Variants in CHCHD3 observed in about 807,000 individuals in gnomAD.
CHCHD3 encodes the protein coiled-coil-helix-coiled-coil-helix domain containing 3.
Under a neutral mutation model 38.2 loss-of-function variants are expected in CHCHD3, and 20 were observed. The ratio of observed to expected loss-of-function variants is 0.52; its 90% confidence interval spans 0.37 to 0.76. CHCHD3 has a LOEUF of 0.76. CHCHD3 is among the 30% of genes least tolerant of loss of function. The pLI is 0.00. For missense variants in CHCHD3, 245 were observed against 279.2 expected (o/e 0.88, Z 0.87); for synonymous variants, 82 against 100.0 (o/e 0.82, Z 1.07).
At chr7:132,898,160 G>A (rs1255294234) in intron 4 of CHCHD3, among the ~76,000 whole-genome samples, 1 of 152,164 alleles carries the variant, frequency 6.6e-6, no homozygotes, top group Non-Finnish European at 1.5e-5. Context: ...CCCAAAGAGT[G>A]AGCAGTAGCA....
At chr7:133,019,813 C>T (rs1156948396) in intron 3 of CHCHD3, among the ~76,000 whole-genome samples, 1 of 152,188 alleles carries the variant, frequency 6.6e-6, no homozygotes, top group Non-Finnish European at 1.5e-5. Flanking sequence ...GAAGTAGTCA[C>T]ATTTTTCTAG....
chr7:132,793,261 A>T (rs1806512027), intron 7 of CHCHD3, among the ~76,000 whole-genome samples: 1 of 152,222 alleles, frequency 6.6e-6, no homozygotes, highest in African/African-American at 2.4e-5. Flanking sequence ...TATCAAAGGT[A>T]AGAAGAGGTA....
intron 2 of CHCHD3, among the ~76,000 whole-genome samples, chr7:133,055,460 AATT>A (rs947709269): frequency 3.4e-4 from 49 of 145,596 alleles, no homozygotes; most frequent in African/African-American, 1.1e-3. Flanking sequence ...AATTAATTAT[AATT>A]ATGTTATGTA....
intron 4 of CHCHD3, among the ~76,000 whole-genome samples, chr7:132,893,314 A>G (rs1289889703): frequency 2.0e-5 from 3 of 152,200 alleles, no homozygotes; most frequent in African/African-American, 7.2e-5. Flanking sequence ...TGGGGCCTGT[A>G]GCCTCCTTAT....
chr7:132,973,535 C>G lies in CHCHD3; in HGVS notation c.369+1634G>C, dbSNP rs191868706. 2.2e-3 allele frequency: 2,144 copies of G among 985,610 alleles called. 3 individuals carry two copies. Among genetic ancestry groups the G allele is most frequent in the Non-Finnish European group, 2.5e-3 (2,088 of 830,074 alleles). 61.1% of individuals were successfully genotyped at this position (985,610 alleles called of 1,614,324 possible). A position where few individuals can be genotyped will look rare whatever the true frequency, so the allele number is the denominator to read the frequency against. ...TGACTTTGCTTCCACCTCTCTTATT[C>G]CCTTTGTTCCACTCAACACATGTAC... On this transcript the variant is annotated intron_variant, in intron 4 of 7. Transcript: ENST00000262570.
intron 4 of CHCHD3, among the ~76,000 whole-genome samples, chr7:132,954,460 C>T (rs1811110339): frequency 6.6e-6 from 1 of 152,172 alleles, no homozygotes; most frequent in Non-Finnish European, 1.5e-5. Context: ...TGGCAGAACC[C>T]ACGTCCTTTG....
chr7:133,017,677 G>T (rs1321499418), intron 3 of CHCHD3, among the ~76,000 whole-genome samples: 1 of 152,152 alleles, frequency 6.6e-6, no homozygotes, highest in Non-Finnish European at 1.5e-5. Flanking sequence ...TCTATGGCAC[G>T]CTTGATTGAC....
intron 3 of CHCHD3, among the ~76,000 whole-genome samples, chr7:132,990,690 C>A (rs1349498423): frequency 6.6e-6 from 1 of 152,046 alleles, no homozygotes; most frequent in Non-Finnish European, 1.5e-5. Context: ...ACAAGGGACA[C>A]GTTTTTGCCA....
Position 132,985,078 on chromosome 7 carries a change from G to A in CHCHD3, c.252-9792C>T, listed in dbSNP as rs1291719021. On this transcript the variant is annotated intron_variant, in intron 3 of 7. Coordinates refer to ENST00000262570, the MANE Select transcript of CHCHD3 (RefSeq NM_017812.4). ...GCCCCGTCCGGAAGGGAGGTGGGGG[G>A]GTTAGCCCCCCGTCCGGCCAGCCGC... Among the ~76,000 whole-genome samples the A allele has an allele frequency of 1.2e-4, 12 of 98,894 alleles. 3 individuals are homozygous for A. Among genetic ancestry groups the A allele is most frequent in the Non-Finnish European group, 2.2e-5 (1 of 45,856 alleles). The allele number at this position is 98,894 out of a possible 152,430, so 64.9% of individuals were successfully genotyped here. A position where few individuals can be genotyped will look rare whatever the true frequency, so the allele number is the denominator to read the frequency against.
intron 4 of CHCHD3, among the ~76,000 whole-genome samples, chr7:132,898,147 G>C (rs1033192868): frequency 6.6e-6 from 1 of 152,160 alleles, no homozygotes; most frequent in South Asian, 2.1e-4. Flanking sequence ...AAGGCAGTGT[G>C]GACCCAAAGA....
chr7:132,916,517 A>C (rs1411945798), intron 4 of CHCHD3, among the ~76,000 whole-genome samples: 3 of 152,242 alleles, frequency 2.0e-5, no homozygotes, highest in Non-Finnish European at 2.9e-5. Flanking sequence ...TATTCACATA[A>C]CTTTTATTAT....
intron 4 of CHCHD3, among the ~76,000 whole-genome samples, chr7:132,971,539 A>G (rs1321016164): frequency 6.6e-6 from 1 of 152,216 alleles, no homozygotes; most frequent in Admixed American, 6.5e-5. Flanking sequence ...GCTAGCTGCT[A>G]AAACAACTGT....
At chr7:132,794,108 A>G (rs1296387181) in intron 7 of CHCHD3, among the ~76,000 whole-genome samples, 4 of 151,812 alleles carry the variant, frequency 2.6e-5, no homozygotes, top group Non-Finnish European at 5.9e-5. Flanking sequence ...TCATCAACCC[A>G]CTCCCCATGT....
At chr7:132,851,936 C>T (rs1292432777) in intron 5 of CHCHD3, among the ~76,000 whole-genome samples, 1 of 152,164 alleles carries the variant, frequency 6.6e-6, no homozygotes, top group Admixed American at 6.5e-5. Flanking sequence ...CTCTATAAAA[C>T]TAACAAACTC....
At chr7:133,033,387 G>GA (rs1813555148) in intron 2 of CHCHD3, among the ~76,000 whole-genome samples, 1 of 152,070 alleles carries the variant, frequency 6.6e-6, no homozygotes, top group Non-Finnish European at 1.5e-5. Flanking sequence ...TAGCCATGAA[G>GA]ATCCCTCCCC....
intron 5 of CHCHD3, among the ~76,000 whole-genome samples, chr7:132,883,433 T>G (rs1445259243): frequency 6.6e-6 from 1 of 152,170 alleles, no homozygotes. Flanking sequence ...GGTCAGAAAT[T>G]TGAATCCAAG....
At chr7:132,814,198 A>G (rs1807143037) in intron 6 of CHCHD3, among the ~76,000 whole-genome samples, 2 of 152,224 alleles carry the variant, frequency 1.3e-5, no homozygotes, top group Admixed American at 1.3e-4. Context: ...ACTGGTTTTC[A>G]GCCTCTTTTT....
intron 6 of CHCHD3, among the ~76,000 whole-genome samples, chr7:132,798,018 T>C (rs1302386647): frequency 6.6e-6 from 1 of 152,194 alleles, no homozygotes; most frequent in Non-Finnish European, 1.5e-5. Flanking sequence ...ATTTTAAATT[T>C]AATGGGTTCA....
chr7:132,948,570 A>T (rs1248389403), intron 4 of CHCHD3, among the ~76,000 whole-genome samples: 2 of 152,252 alleles, frequency 1.3e-5, no homozygotes, highest in East Asian at 3.9e-4. Flanking sequence ...AGGGATGTTT[A>T]TTACCAACAA....
Sources: gnomAD v4.1 joint callset for allele counts (sites outside exome capture counted in the v4.1 genomes callset) on GRCh38, gnomAD v4.1.1 for gene constraint, MANE v1.5 for transcripts, NCBI Gene and HGNC (gene_info 2026-07-23, HGNC 2026-07-21) for gene names.